The following RBMS3 variants were observed in gnomAD, a reference collection of about 807,000 sequenced individuals.
The protein encoded by RBMS3 is RNA-binding motif, single-stranded-interacting protein 3.
RBMS3 carries 27 observed loss-of-function variants against 66.8 expected under a neutral mutation model. The observed-to-expected ratio is 0.40, with a 90% CI of 0.30 to 0.56. The LOEUF (loss-of-function observed/expected upper bound fraction) is 0.56. Ranked by LOEUF, RBMS3 falls within the 20% of genes least tolerant of loss-of-function variation. RBMS3 has a pLI of 0.40. For synonymous variants in RBMS3, 188 were observed against 183.0 expected (o/e 1.03, Z -0.22); for missense variants, 513 against 549.5 (o/e 0.93, Z 0.66).
At chr3:29,549,397 ATTT>A (rs5847580) in intron 3 of RBMS3, among the ~76,000 whole-genome samples, 6 of 135,492 alleles carry the variant, frequency 4.4e-5, no homozygotes, top group Admixed American at 7.5e-5. Flanking sequence ...AATTGGATTG[ATTT>A]TTTTTTTTTT....
At chr3:29,447,980 T>C (rs1355543934) in intron 2 of RBMS3, among the ~76,000 whole-genome samples, 7 of 152,190 alleles carry the variant, frequency 4.6e-5, no homozygotes, top group Admixed American at 3.3e-4. Flanking sequence ...GCCTTGCTGA[T>C]TCTTGCACAG....
rs141223800 is a variant in RBMS3, at chr3:29,512,772, G to A, written c.307+24273G>A. Among the ~76,000 whole-genome samples, 3 of 152,306 alleles carry A rather than the reference G, an allele frequency of 2.0e-5. No individual in the cohort carries two copies. In the East Asian group the frequency reaches 5.8e-4, roughly 29 times the overall value. On this transcript the variant is annotated intron_variant, in intron 3 of 14. Coordinates refer to ENST00000383767, the MANE Select transcript of RBMS3 (RefSeq NM_001003793.3). Reference sequence around the variant, plus strand: ...TAATATTTCAAATTCTGTGGCATGTGAACAATACTGTGTGCACTGGGCTTC... The same window carrying A: ...TAATATTTCAAATTCTGTGGCATGTAAACAATACTGTGTGCACTGGGCTTC...
intron 1 of RBMS3, among the ~76,000 whole-genome samples, chr3:29,406,524 T>G (rs546592014): frequency 6.6e-6 from 1 of 152,210 alleles, no homozygotes; most frequent in Non-Finnish European, 1.5e-5. Flanking sequence ...ACATCACAAC[T>G]CCCCTGAATA....
intron 2 of RBMS3, among the ~76,000 whole-genome samples, chr3:29,463,330 C>A (rs2042430777): frequency 6.6e-6 from 1 of 152,014 alleles, no homozygotes; most frequent in South Asian, 2.1e-4. Flanking sequence ...ACAGCCCTAC[C>A]CTAATGGGAA....
At chr3:29,508,295 G>A (rs956726450) in intron 3 of RBMS3, among the ~76,000 whole-genome samples, 3 of 152,112 alleles carry the variant, frequency 2.0e-5, no homozygotes, top group African/African-American at 7.2e-5. Flanking sequence ...GTGGTTTGCT[G>A]CACCCACGAA....
At chr3:29,617,117 G>C (rs953176517) in intron 4 of RBMS3, 1 of 152,184 alleles carries the variant, frequency 6.6e-6, no homozygotes, top group Non-Finnish European at 1.5e-5. Context: ...CTTAACTTGT[G>C]ATAATTCAGA....
intron 6 of RBMS3, among the ~76,000 whole-genome samples, chr3:29,862,690 T>C (rs2059244991): frequency 6.7e-6 from 1 of 148,920 alleles, no homozygotes; most frequent in Admixed American, 6.7e-5. Context: ...GTGACGAGAG[T>C]GAAATTAGCT....
intron 4 of RBMS3, among the ~76,000 whole-genome samples, chr3:29,711,568 A>G (rs896468640): frequency 6.6e-6 from 1 of 152,110 alleles, no homozygotes; most frequent in African/African-American, 2.4e-5. Flanking sequence ...ACCTAATCCG[A>G]CCATTTTAAA....
intron 5 of RBMS3, among the ~76,000 whole-genome samples, 166 bp from the exon 6 acceptor site, chr3:29,762,744 T>G (rs2055748690): frequency 1.3e-5 from 2 of 152,136 alleles, no homozygotes; most frequent in African/African-American, 4.8e-5. Flanking sequence ...TTAATGAGTT[T>G]GTGATGTTCT....
At chr3:29,731,503 A>G (rs2054134376) in intron 4 of RBMS3, among the ~76,000 whole-genome samples, 1 of 152,128 alleles carries the variant, frequency 6.6e-6, no homozygotes, top group Admixed American at 6.5e-5. Flanking sequence ...AACAGGACAG[A>G]GGGCATGTTT....
chr3:29,739,061 T>C (rs1444140238), intron 4 of RBMS3, among the ~76,000 whole-genome samples: 1 of 152,194 alleles, frequency 6.6e-6, no homozygotes. Flanking sequence ...GCAATATCAG[T>C]AACTAATTGT....
At chr3:29,887,974 G>C (rs2059911764) in intron 8 of RBMS3, among the ~76,000 whole-genome samples, 1 of 151,788 alleles carries the variant, frequency 6.6e-6, no homozygotes, top group Non-Finnish European at 1.5e-5. Context: ...TTTCAAGGCA[G>C]TGAGGACAGC....
At chr3:29,536,039 A>G (rs968444363) in intron 3 of RBMS3, among the ~76,000 whole-genome samples, 1 of 152,134 alleles carries the variant, frequency 6.6e-6, no homozygotes, top group African/African-American at 2.4e-5. Context: ...CATATATGTT[A>G]CCCACTACAA....
intron 1 of RBMS3, among the ~76,000 whole-genome samples, chr3:29,383,053 C>T (rs1355715035): frequency 6.6e-6 from 1 of 152,156 alleles, no homozygotes; most frequent in East Asian, 1.9e-4. Context: ...GAAATATACC[C>T]TTCATCTGTG....
At chr3:29,316,964 T>C (rs1031246171) in intron 1 of RBMS3, among the ~76,000 whole-genome samples, 3 of 151,820 alleles carry the variant, frequency 2.0e-5, no homozygotes, top group Non-Finnish European at 4.4e-5. Context: ...ATAAAATTTT[T>C]CTGAAACTCT....
chr3:29,992,891 T>G (rs141504485), intron 14 of RBMS3, among the ~76,000 whole-genome samples: 245 of 152,258 alleles, frequency 1.6e-3, no homozygotes, highest in African/African-American at 5.2e-3. Context: ...TTGCTAAAAC[T>G]AGGCTATAAA....
chr3:29,748,054 T>C (rs1238021677), intron 5 of RBMS3, among the ~76,000 whole-genome samples: 2 of 151,594 alleles, frequency 1.3e-5, no homozygotes, highest in African/African-American at 4.9e-5. Flanking sequence ...AACATAGGGG[T>C]GTAATAGAGA....
Position 30,009,548 on chromosome 3 carries a change from CT to C in RBMS3, c.*5687del. 6.6e-6 allele frequency: 1 copy of C among 152,188 alleles called. No individual in the cohort carries two copies. Among genetic ancestry groups the C allele is most frequent in the South Asian group, 2.1e-4 (1 of 4,828 alleles). The allele number at this position is 152,188 out of a possible 1,614,324, so 9.4% of individuals were successfully genotyped here. ...GAATTCAGCTTCCCTCAAAAGAAAG[CT>C]ATTTTTGTTTCCTTCACTCCACTAA... On this transcript the variant is annotated 3_prime_UTR_variant, in exon 15 of 15. Coordinates refer to ENST00000383767, the MANE Select transcript of RBMS3 (RefSeq NM_001003793.3).
At chr3:29,691,547 A>G (rs1459613697) in intron 4 of RBMS3, among the ~76,000 whole-genome samples, 1 of 152,200 alleles carries the variant, frequency 6.6e-6, no homozygotes, top group Non-Finnish European at 1.5e-5. Context: ...TGCATGCCTC[A>G]TTTCTACTCA....
Sources: gnomAD v4.1 joint callset for allele counts (sites outside exome capture counted in the v4.1 genomes callset) on GRCh38, gnomAD v4.1.1 for gene constraint, MANE v1.5 for transcripts, NCBI Gene and HGNC (gene_info 2026-07-23, HGNC 2026-07-21) for gene names.